The following HSPA12A variants were observed in gnomAD, a reference collection of about 807,000 sequenced individuals.
HSPA12A encodes heat shock 70 kDa protein 12A.
A neutral mutation model predicts 69.2 loss-of-function variants in HSPA12A; 28 were observed. The ratio of observed to expected loss-of-function variants is 0.40; its 90% CI spans 0.30 to 0.55. HSPA12A has a LOEUF of 0.55. Among genes scored for constraint, HSPA12A ranks in the 20% least tolerant of loss-of-function variants. HSPA12A has a pLI of 0.38. For synonymous variants in HSPA12A, 345 were observed against 370.5 expected, an observed-to-expected ratio of 0.93 and a Z score of 0.79; for missense variants, 686 against 900.7, an observed-to-expected ratio of 0.76 and a Z score of 3.05.
At position 116,826,790 on chromosome 10, in the gene HSPA12A, G is replaced by A. The variant is rs767768535; in HGVS notation, c.91+8145C>T. Among the ~76,000 whole-genome samples the A allele has an allele frequency of 2.0e-5, 3 of 152,158 alleles. No homozygotes were observed. The East Asian group carries it at 5.8e-4, about 29-fold the overall frequency. ...TGAATGGGGGACTATGTGGCTCTTT[G>A]TACATTTCACAGCCTTTAATCATAA... On this transcript the variant is annotated intron_variant, in intron 2 of 12. Coordinates refer to the HSPA12A transcript ENST00000635765.
At chr10:116,721,012 G>C (rs937316431) in intron 1 of HSPA12A, among the ~76,000 whole-genome samples, 1 of 152,198 alleles carries the variant, frequency 6.6e-6, no homozygotes, top group Non-Finnish European at 1.5e-5. Flanking sequence ...TGTCAGAAGA[G>C]AGGAGACAAA....
intron 1 of HSPA12A, among the ~76,000 whole-genome samples, chr10:116,736,089 T>C (rs1851308206): frequency 6.6e-6 from 1 of 152,252 alleles, no homozygotes; most frequent in Non-Finnish European, 1.5e-5. Flanking sequence ...TGACATTTTA[T>C]AGACATTTCA....
intron 11 of HSPA12A, 73 bp downstream of exon 11, chr10:116,676,326 T>C (rs1338916661): frequency 2.7e-5 from 34 of 1,238,190 alleles, no homozygotes; most frequent in Non-Finnish European, 4.0e-5. Context: ...AGGCACCAGC[T>C]GGTGATGCTG....
chr10:116,790,931 T>C (rs1021720389), intron 2 of HSPA12A, among the ~76,000 whole-genome samples: 8 of 152,200 alleles, frequency 5.3e-5, no homozygotes, highest in Non-Finnish European at 1.5e-5. Context: ...CCTCAAGTGA[T>C]CCGCCCGCCT....
intron 2 of HSPA12A, chr10:116,834,902 T>C (rs1341189719): frequency 1.7e-6 from 2 of 1,161,596 alleles, no homozygotes; most frequent in Non-Finnish European, 2.2e-6. Context: ...CAGATGCCAG[T>C]TTGATACTTA....
chr10:116,844,127 G>A (rs1480612074), intron 1 of HSPA12A, among the ~76,000 whole-genome samples: 2 of 152,280 alleles, frequency 1.3e-5, no homozygotes, highest in Admixed American at 1.3e-4. Flanking sequence ...AGCACAAGGG[G>A]AAATACATGG....
chr10:116,792,045 A>G (rs1844710201), intron 2 of HSPA12A, among the ~76,000 whole-genome samples: 1 of 152,076 alleles, frequency 6.6e-6, no homozygotes, highest in Non-Finnish European at 1.5e-5. Context: ...TAATAATGAT[A>G]TCATTAATAA....
chr10:116,730,193 T>C (rs533201712), intron 1 of HSPA12A, among the ~76,000 whole-genome samples: 142 of 152,266 alleles, frequency 9.3e-4, no homozygotes, highest in African/African-American at 3.4e-3. Context: ...AAAATAATAA[T>C]GATGATGATG....
rs376432151 is a variant in HSPA12A at position 116,686,859 on chromosome 10, T to G, written c.664-2897A>C. On this transcript the variant is annotated intron_variant, in intron 6 of 11. Coordinates refer to ENST00000369209, the MANE Select transcript of HSPA12A (RefSeq NM_025015.3). The surrounding 1 kb of genome is among the most constrained non-coding windows in gnomAD (Gnocchi z 4.1). ...CCATAAGCTCCACCCCTCATCCCTC[T>G]TCCCACACCATAAGCTCCGCCCCTC... Among the ~76,000 whole-genome samples the G allele has an allele frequency of 2.1e-5, 3 of 141,224 alleles. No homozygotes were observed. The highest frequency in any genetic ancestry group is 3.1e-5 in the Non-Finnish European group (2 of 65,068). 92.6% of individuals were successfully genotyped at this position (141,224 alleles called of 152,430 possible). A position where few individuals can be genotyped will look rare whatever the true frequency, so the allele number is the denominator to read the frequency against.
In HSPA12A at chr10:116,683,887, G is replaced by C; in HGVS notation, c.739C>G (p.Arg247Gly). The C allele has an allele frequency of 6.3e-7, 1 of 1,598,094 alleles. No individual in the cohort carries two copies. The highest frequency in any genetic ancestry group is 8.6e-7 in the Non-Finnish European group (1 of 1,167,654). Residue 247 changes from arginine to glycine, a missense_variant, in exon 7 of 12, where the codon CGA becomes GGA. Coordinates refer to ENST00000369209, the MANE Select transcript of HSPA12A (RefSeq NM_025015.3). Reference protein sequence around the residue: ...LEPEAASIYCRKLRLHQMIEL... With the variant: ...LEPEAASIYCGKLRLHQMIEL... The stretch of plus-strand genomic sequence containing the variant: ...ATCATCTGGTGTAGCCGCAGCTTTC[G>C]GCAGTAGATAGAGGCTGCCTCAGGC...
intron 3 of HSPA12A, among the ~76,000 whole-genome samples, chr10:116,703,307 C>T (rs1226953171): frequency 1.3e-5 from 2 of 152,126 alleles, no homozygotes; most frequent in Non-Finnish European, 2.9e-5. Context: ...AGACTTAAAC[C>T]AAGATTGGGG....
intron 10 of HSPA12A, 123 bp from the exon 11 acceptor site, chr10:116,676,625 A>G (rs1849245694): frequency 1.4e-6 from 1 of 726,386 alleles, no homozygotes; most frequent in Non-Finnish European, 2.3e-6. Context: ...AAGGGGGTTG[A>G]AAGCCAAAAG....
chr10:116,773,730 T>C (rs1406788575), intron 2 of HSPA12A, among the ~76,000 whole-genome samples: 1 of 152,234 alleles, frequency 6.6e-6, no homozygotes, highest in Non-Finnish European at 1.5e-5. Flanking sequence ...CTGACAATTA[T>C]GAAGCTCTGG....
intron 2 of HSPA12A, among the ~76,000 whole-genome samples, chr10:116,781,622 G>A (rs782107424): frequency 6.6e-5 from 10 of 152,156 alleles, no homozygotes; most frequent in East Asian, 3.9e-4. Flanking sequence ...CTGCCCATCC[G>A]TGGTGTGGTG....
At chr10:116,738,816 G>C (rs1554886678) in intron 1 of HSPA12A, among the ~76,000 whole-genome samples, 1 of 152,190 alleles carries the variant, frequency 6.6e-6, no homozygotes, top group Non-Finnish European at 1.5e-5. Context: ...AGGGAGGACT[G>C]CATGTGTCCA....
chr10:116,679,984 T>A (rs2133363231), intron 9 of HSPA12A, among the ~76,000 whole-genome samples: 1 of 152,328 alleles, frequency 6.6e-6, no homozygotes, highest in East Asian at 1.9e-4. Context: ...TTTATTATTT[T>A]ATTTTTGTGT....
chr10:116,779,437 A>G (rs1844413901), intron 2 of HSPA12A, among the ~76,000 whole-genome samples: 2 of 152,138 alleles, frequency 1.3e-5, no homozygotes, highest in African/African-American at 4.8e-5. Context: ...CCTCCCTCAG[A>G]GAGAACCACA....
At chr10:116,742,757 C>G (rs1347083549), upstream of HSPA12A, among the ~76,000 whole-genome samples, 1 of 151,842 alleles carries the variant, frequency 6.6e-6, no homozygotes, top group Non-Finnish European at 1.5e-5. Context: ...CAGAGCGGCC[C>G]GCCGAGGCCC....
intron 8 of HSPA12A, 106 bp downstream of exon 8, chr10:116,681,685 C>T: frequency 1.1e-6 from 1 of 950,842 alleles, no homozygotes; most frequent in South Asian, 1.5e-5. Flanking sequence ...TTAGAACCCA[C>T]TGAGTTTGAA....
Sources: allele counts gnomAD v4.1 joint callset (sites outside exome capture counted in the v4.1 genomes callset), GRCh38; gene constraint gnomAD v4.1.1; non-coding constraint Gnocchi (gnomAD v3.1); transcripts MANE v1.5; gene names NCBI Gene and HGNC (gene_info 2026-07-23, HGNC 2026-07-21).